Variants in CTNNA3 observed in about 807,000 individuals in gnomAD.
CTNNA3 encodes catenin alpha 3.
CTNNA3 carries 76 observed loss-of-function variants against 95.7 expected under a neutral mutation model. That is an observed-to-expected ratio of 0.79 (90% CI 0.66 to 0.96). The LOEUF (loss-of-function observed/expected upper bound fraction) is 0.96. Ranked by LOEUF, CTNNA3 falls within the 40% of genes least tolerant of loss-of-function variation. The pLI is 0.00. For synonymous variants in CTNNA3, 431 were observed against 374.4 expected (o/e 1.15, Z -1.74); for missense variants, 1,191 against 1,089.8 (o/e 1.09, Z -1.31).
In CTNNA3 at chr10:66,783,716, C is replaced by T. The variant is rs553925582; in HGVS notation, c.1048-8192G>A. On this transcript the variant is annotated intron_variant, in intron 7 of 17. Coordinates refer to ENST00000433211, the MANE Select transcript of CTNNA3 (RefSeq NM_013266.4). ...ATAAGCAATGACATAGCATTACACA[C>T]ATAGACCAAATAAATTATTTTCCCG... Among the ~76,000 whole-genome samples the T allele has an allele frequency of 2.0e-5, 3 of 152,298 alleles. No homozygotes were observed. In the South Asian group the frequency reaches 6.2e-4, roughly 32 times the overall value.
At chr10:66,346,246 T>TAGAGAG (rs371257440) in intron 12 of CTNNA3, among the ~76,000 whole-genome samples, 56 of 27,712 alleles carry the variant, frequency 2.0e-3, no homozygotes, top group African/African-American at 3.8e-3. Flanking sequence ...TATATATATA[T>TAGAGAG]AGAGAGAGAG....
chr10:66,845,710 A>AAAAAAAAC (rs1843230890), intron 7 of CTNNA3, among the ~76,000 whole-genome samples: 11 of 85,962 alleles, frequency 1.3e-4, no homozygotes, highest in African/African-American at 5.7e-4. Context: ...TCTCAAAAAA[A>AAAAAAAAC]AAAAAAAAAA....
chr10:67,262,632 A>T lies in CTNNA3; in HGVS notation c.580-42762T>A, dbSNP rs7076195. ...CGAAACCGCTTTAAACAGTTTTTTT[A>T]AAAAACAGCTCATACTCCCTCTGTG... is the stretch of plus-strand genomic sequence containing the variant. On this transcript the variant is annotated intron_variant, in intron 5 of 17. Transcript: ENST00000433211. Among the ~76,000 whole-genome samples, 1,090 of 152,306 alleles carry T rather than the reference A, an allele frequency of 7.2e-3. 5 individuals carry two copies. Among genetic ancestry groups the T allele is most frequent in the Middle Eastern group, 0.024 (7 of 294 alleles).
chr10:67,074,127 A>C (rs1469244339), intron 7 of CTNNA3, among the ~76,000 whole-genome samples: 1 of 135,246 alleles, frequency 7.4e-6, no homozygotes, highest in East Asian at 2.2e-4. Flanking sequence ...CCTCCTCCCG[A>C]GTTGAAGAGA....
At chr10:66,292,073 A>C (rs2091691590) in intron 12 of CTNNA3, among the ~76,000 whole-genome samples, 1 of 120,872 alleles carries the variant, frequency 8.3e-6, no homozygotes, top group Admixed American at 8.8e-5. Flanking sequence ...ATGCATATAC[A>C]GATACACACA....
chr10:66,510,232 G>A (rs1487928009), intron 11 of CTNNA3, among the ~76,000 whole-genome samples: 1 of 151,720 alleles, frequency 6.6e-6, no homozygotes, highest in Non-Finnish European at 1.5e-5. Context: ...ATTTTTGTAT[G>A]TTGATTTTTT....
chr10:66,250,813 G>A (rs958507628), intron 13 of CTNNA3, among the ~76,000 whole-genome samples: 43 of 152,134 alleles, frequency 2.8e-4, no homozygotes, highest in African/African-American at 9.4e-4. Flanking sequence ...TAATGTCACC[G>A]TACTACTGCT....
chr10:65,940,516 C>T (rs1259398355), intron 17 of CTNNA3, among the ~76,000 whole-genome samples: 4 of 152,114 alleles, frequency 2.6e-5, no homozygotes, highest in Non-Finnish European at 5.9e-5. Flanking sequence ...TTTCATATCA[C>T]TGAGCAGAGA....
intron 3 of CTNNA3, among the ~76,000 whole-genome samples, chr10:67,564,475 A>C (rs1841670892): frequency 9.8e-6 from 1 of 101,986 alleles, no homozygotes; most frequent in African/African-American, 4.1e-5. Context: ...GGGGAACATC[A>C]CACACTGGGG....
intron 15 of CTNNA3, among the ~76,000 whole-genome samples, chr10:66,061,187 T>C (rs1056318483): frequency 1.6e-4 from 25 of 152,120 alleles, no homozygotes. Context: ...TGCCCTTGAA[T>C]AAGGCTATCA....
At chr10:66,896,067 A>G (rs545767668) in intron 7 of CTNNA3, among the ~76,000 whole-genome samples, 2 of 152,158 alleles carry the variant, frequency 1.3e-5, no homozygotes, top group African/African-American at 4.8e-5. Context: ...ATTGCACTCC[A>G]GCCTGGGCAA....
intron 15 of CTNNA3, among the ~76,000 whole-genome samples, chr10:66,039,909 A>C (rs2079649101): frequency 6.6e-6 from 1 of 152,210 alleles, no homozygotes; most frequent in Non-Finnish European, 1.5e-5. Flanking sequence ...ATAGCAAAAC[A>C]AACTAAGAAC....
intron 5 of CTNNA3, among the ~76,000 whole-genome samples, chr10:67,263,874 A>C (rs1327843774): frequency 1.3e-5 from 2 of 152,148 alleles, no homozygotes; most frequent in African/African-American, 4.8e-5. Context: ...CCAATAAATG[A>C]GGCAATGCTG....
intron 12 of CTNNA3, among the ~76,000 whole-genome samples, chr10:66,372,761 G>C (rs2132467144): frequency 6.6e-6 from 1 of 152,282 alleles, no homozygotes. Flanking sequence ...GAGAGAATGA[G>C]TGCCCGAAAG....
intron 9 of CTNNA3, among the ~76,000 whole-genome samples, chr10:66,758,825 C>T (rs1839480973): frequency 6.6e-6 from 1 of 152,056 alleles, no homozygotes; most frequent in Admixed American, 6.6e-5. Context: ...ATCCCAGCTA[C>T]TTGGGAGACT....
At chr10:66,237,762 G>A (rs1388151550) in intron 13 of CTNNA3, among the ~76,000 whole-genome samples, 1 of 151,910 alleles carries the variant, frequency 6.6e-6, no homozygotes, top group Non-Finnish European at 1.5e-5. Context: ...AAATTGCACA[G>A]CACATTAGTC....
intron 1 of CTNNA3, among the ~76,000 whole-genome samples, chr10:67,651,704 C>A (rs1174982665): frequency 1.3e-5 from 2 of 152,090 alleles, no homozygotes; most frequent in Non-Finnish European, 2.9e-5. Context: ...CATGAAGAGG[C>A]TTTTCCCAAT....
chr10:67,344,460 A>C (rs1404919583), intron 5 of CTNNA3, among the ~76,000 whole-genome samples: 1 of 152,104 alleles, frequency 6.6e-6, no homozygotes, highest in Non-Finnish European at 1.5e-5. Context: ...AGGATTCAGC[A>C]GTAAAGCCAC....
chr10:66,261,089 AT>A (rs1439627894), intron 13 of CTNNA3, among the ~76,000 whole-genome samples: 1 of 152,084 alleles, frequency 6.6e-6, no homozygotes, highest in Admixed American at 6.6e-5. Flanking sequence ...GAGAGAATGT[AT>A]GTGAAGTTCC....
Sources: gnomAD v4.1 joint callset for allele counts (sites outside exome capture counted in the v4.1 genomes callset) on GRCh38, gnomAD v4.1.1 for gene constraint, MANE v1.5 for transcripts, NCBI Gene and HGNC (gene_info 2026-07-23, HGNC 2026-07-21) for gene names.